Variants in SLC26A6 observed in about 807,000 individuals in gnomAD.
SLC26A6 encodes the protein solute carrier family 26 member 6.
SLC26A6 carries 67 observed loss-of-function variants against 87.1 expected under a neutral mutation model. The observed-to-expected ratio is 0.77, with a 90% CI of 0.63 to 0.94. SLC26A6 has a LOEUF of 0.94. SLC26A6 is among the 40% of genes least tolerant of loss of function. SLC26A6 has a pLI of 0.00. For synonymous variants in SLC26A6, 414 were observed against 405.9 expected (o/e 1.02, Z -0.24); for missense variants, 902 against 973.0 (o/e 0.93, Z 0.97).
intron 11 of SLC26A6, 48 bp downstream of exon 11, chr3:48,630,390 G>C: frequency 1.3e-6 from 2 of 1,536,590 alleles, no homozygotes; most frequent in Non-Finnish European, 1.8e-6. Flanking sequence ...GCTGATTTGA[G>C]AGCCCTGGCC....
rs551819463 is a variant in SLC26A6 at position 48,630,395 on chromosome 3, C to G, written c.1326+43G>C. 21 of 1,543,112 alleles carry G rather than the reference C, an allele frequency of 1.4e-5. No individual in the cohort carries two copies. The South Asian group carries it at 2.0e-4, about 15-fold the overall frequency. ...ACCTAGACTGGCTGATTTGAGAGCC[C>G]TGGCCTGGCCAAGACCTGAAACCTG... is the stretch of plus-strand genomic sequence containing the variant. On this transcript the variant is annotated intron_variant, in intron 11 of 20. Transcript: ENST00000395550.
chr3:48,629,851 G>A, intron 13 of SLC26A6, 21 bp downstream of exon 13: 2 of 1,613,952 alleles, frequency 1.2e-6, no homozygotes, highest in Non-Finnish European at 1.7e-6. Flanking sequence ...TGGAATGAGG[G>A]GACCAACATG....
At position 48,630,363 on chromosome 3, in the gene SLC26A6, C is replaced by T. The variant is rs533194840; in HGVS notation, c.1326+75G>A. ...AACCTAACCTTGTGTCCCCACCCCT[C>T]GCCTGAACCTAGACTGGCTGATTTG... On this transcript the variant is annotated intron_variant, in intron 11 of 20. Transcript: ENST00000395550. 2.2e-5 allele frequency: 33 copies of T among 1,476,258 alleles called. 1 individual carries two copies. In the South Asian group the frequency reaches 3.1e-4, roughly 14 times the overall value. The allele number at this position is 1,476,258 out of a possible 1,614,324, so 91.4% of individuals were successfully genotyped here.
In SLC26A6 at chr3:48,629,987, A is replaced by AGAGGGCAGCGGTTG. The variant is rs770151247; in HGVS notation, c.1423-23_1423-10dup. The AGAGGGCAGCGGTTG allele has an allele frequency of 3.3e-5, 54 of 1,613,982 alleles. No individual in the cohort carries two copies. In the Middle Eastern group the frequency reaches 4.9e-4, roughly 15 times the overall value. On this transcript the variant is annotated splice_polypyrimidine_tract_variant and intron_variant, in intron 12 of 20. Coordinates refer to ENST00000395550, the MANE Select transcript of SLC26A6 (RefSeq NM_022911.3). ...GTCACCAGCCAGATAAGCTGAGAAC[A>AGAGGGCAGCGGTTG]GAGGGCAGCGGTTGGAGGGCGGCGA...
At chr3:48,632,699 C>T in intron 4 of SLC26A6, 1 of 686,048 alleles carries the variant, frequency 1.5e-6, no homozygotes, top group Non-Finnish European at 2.6e-6. Context: ...CAGGGCTGGC[C>T]TTAGGCTGCT....
At position 48,628,609 on chromosome 3, in the gene SLC26A6, G is replaced by A; in HGVS notation, c.1692+13C>T. 6.2e-7 allele frequency: 1 copy of A among 1,613,942 alleles called. No individual in the cohort carries two copies. Among genetic ancestry groups the A allele is most frequent in the Non-Finnish European group, 8.5e-7 (1 of 1,179,988 alleles). The stretch of plus-strand genomic sequence containing the variant: ...GCTGGGGCCTGACACCCATCCTGGG[G>A]ACTCCGTCTCACCCTCTGCTTCAGC... On this transcript the variant is annotated intron_variant, in intron 15 of 20. Transcript: ENST00000395550. The surrounding 1 kb of genome is among the most constrained non-coding windows in gnomAD (Gnocchi z 4.4).
rs2046612615 is a variant in SLC26A6, at chr3:48,626,078, TC to T, written c.2266-79del. The T allele has an allele frequency of 4.3e-6, 7 of 1,612,728 alleles. No homozygotes were observed. The South Asian group carries it at 4.4e-5, about 10-fold the overall frequency. Reference sequence around the variant, plus strand: ...AACCCCCGCCCCTAGAACAGCTTTATCCAAAGACAGCGGAGAAAGCACTGGG... The same window carrying T: ...AACCCCCGCCCCTAGAACAGCTTTATCAAAGACAGCGGAGAAAGCACTGGG... On this transcript the variant is annotated intron_variant, in intron 20 of 20. Coordinates refer to ENST00000395550, the MANE Select transcript of SLC26A6 (RefSeq NM_022911.3).
rs1164986272 is a variant in SLC26A6, at chr3:48,628,872, A to AGCCCGAC, written c.1600-165_1600-159dup. On this transcript the variant is annotated intron_variant, in intron 14 of 20. Transcript: ENST00000395550. This position sits in a 1 kb window ranked among gnomAD's most constrained non-coding sequence, Gnocchi z 4.4. ...GGCCCTCCCAGGGGCTTAGGCCACA[A>AGCCCGAC]GCCCGACGGTGTCATCCCCATCCCC... Among the ~76,000 whole-genome samples the AGCCCGAC allele has an allele frequency of 6.6e-6, 1 of 152,106 alleles. No individual in the cohort carries two copies. The highest frequency in any genetic ancestry group is 1.5e-5 in the Non-Finnish European group (1 of 67,996).
rs762541427 is a variant in SLC26A6, at chr3:48,626,987, A to G, written c.1962T>C (p.Asp654=). ...GGCCCAGGGCCTTCAGTGTGGACCC[A>G]TCTGGGGCCTTGGAGTCTTCTTGAC... The part of the protein sequence containing the change: ...ANGQEDSKAP[D]GSTLKALGLP... The change falls in exon 18 of 21, where the codon GAT becomes GAC. Residue 654 remains aspartate, a synonymous_variant. Coordinates refer to ENST00000395550, the MANE Select transcript of SLC26A6 (RefSeq NM_022911.3). 5.1e-5 allele frequency: 82 copies of G among 1,614,198 alleles called. No individual in the cohort carries two copies. Among genetic ancestry groups the G allele is most frequent in the Non-Finnish European group, 6.6e-5 (78 of 1,180,026 alleles).
chr3:48,626,608 C>A, intron 19 of SLC26A6, 23 bp downstream of exon 19: 4 of 1,614,164 alleles, frequency 2.5e-6, no homozygotes, highest in Non-Finnish European at 3.4e-6. Flanking sequence ...CCAGGTCCCT[C>A]CTGCTGTTCC....
chr3:48,626,298 T>TC lies in SLC26A6; in HGVS notation c.2184dup (p.Lys729GlufsTer9). 1 of 1,613,928 alleles carries TC rather than the reference T, an allele frequency of 6.2e-7. No homozygotes were observed. The highest frequency in any genetic ancestry group is 8.5e-7 in the Non-Finnish European group (1 of 1,179,978). The stretch of plus-strand genomic sequence containing the variant: ...TCATGGACAGAGGCAAAGAGATGCT[T>TC]CTTGGTGATGGATGCATCGAAGAAG... On this transcript the variant is annotated frameshift_variant, in exon 20 of 21. Coordinates refer to ENST00000395550, the MANE Select transcript of SLC26A6 (RefSeq NM_022911.3). LOFTEE classifies it high-confidence loss of function.
Position 48,626,246 on chromosome 3 carries a change from G to A in SLC26A6, c.2237C>T (p.Pro746Leu), listed in dbSNP as rs764904817. 16 of 1,614,064 alleles carry A rather than the reference G, an allele frequency of 9.9e-6. No homozygotes were observed. The highest frequency in any genetic ancestry group is 3.3e-5 in the Admixed American group (2 of 60,004). The change falls in exon 20 of 21, where the codon CCG becomes CTG. Residue 746 changes from proline to leucine, a missense_variant. Transcript: ENST00000395550. ...AACAGGGCTGTCGGGGACAGGCCTC[G>A]GGTGTTGGAGGGCAAAGGTGACAGC... ...HDAVTFALQH[P>L]RPVPDSPVSV...
At chr3:48,633,662 A>G in intron 1 of SLC26A6, 27 bp from the exon 2 acceptor site, 2 of 1,610,644 alleles carry the variant, frequency 1.2e-6, no homozygotes, top group Non-Finnish European at 1.7e-6. Context: ...AGAGAGACAC[A>G]GTGAAGGCAT....
At chr3:48,632,447 C>T in intron 4 of SLC26A6, 51 bp from the exon 5 acceptor site, 4 of 1,575,898 alleles carry the variant, frequency 2.5e-6, no homozygotes, top group Non-Finnish European at 2.6e-6. Flanking sequence ...ACTGCCCTGC[C>T]CTGGAGCCCT....
chr3:48,632,504 C>T, intron 4 of SLC26A6, 108 bp from the exon 5 acceptor site: 2 of 1,440,554 alleles, frequency 1.4e-6, no homozygotes, highest in Non-Finnish European at 1.9e-6. Flanking sequence ...GATAAATGTA[C>T]TCAGATTATG....
intron 1 of SLC26A6, 33 bp downstream of exon 1, chr3:48,635,338 C>T (rs1365939462): frequency 6.3e-7 from 1 of 1,579,658 alleles, no homozygotes; most frequent in Non-Finnish European, 8.6e-7. Flanking sequence ...GAGGCGCTCG[C>T]GCGGGGCCAC....
Position 48,628,647 on chromosome 3 carries a change from A to G in SLC26A6, c.1667T>C (p.Phe556Ser), listed in dbSNP as rs370517101. Reference protein sequence around the residue: ...SATVYFANAEFYSDALKQRCG... With the variant: ...SATVYFANAESYSDALKQRCG... Reference sequence around the variant, plus strand: ...CCTCTGCTTCAGCGCATCACTGTAGAACTCAGCATTGGCAAAGTACACGGT... The same window carrying G: ...CCTCTGCTTCAGCGCATCACTGTAGGACTCAGCATTGGCAAAGTACACGGT... The change falls in exon 15 of 21, where the codon TTC (phenylalanine) becomes TCC (serine). Residue 556 changes from phenylalanine (F) to serine (S), a missense_variant. Phe to Ser is a radical substitution (Grantham distance 155, BLOSUM62 -2). Around this residue, in one of 3 missense-constraint regions of SLC26A6, gnomAD observed 800 missense variants for 856.8 expected, o/e 0.93. Coordinates refer to ENST00000395550, the MANE Select transcript of SLC26A6 (RefSeq NM_022911.3). The surrounding 1 kb of genome is among the most constrained non-coding windows in gnomAD (Gnocchi z 4.4). 42 of 1,613,648 alleles carry G rather than the reference A, an allele frequency of 2.6e-5. No homozygotes were observed. The African/African-American group carries it at 5.1e-4, about 19-fold the overall frequency.
intron 20 of SLC26A6, 56 bp downstream of exon 20, chr3:48,626,162 T>A: frequency 1.2e-6 from 2 of 1,611,990 alleles, no homozygotes; most frequent in Non-Finnish European, 1.7e-6. Context: ...GGGGCCAGGG[T>A]GGGGACAAGC....
At chr3:48,632,494 G>C in intron 4 of SLC26A6, 98 bp from the exon 5 acceptor site, 2 of 1,478,502 alleles carry the variant, frequency 1.4e-6, no homozygotes, top group East Asian at 4.9e-5. Flanking sequence ...TCCAGTTCTG[G>C]ATAAATGTAC....
Sources: gnomAD v4.1 joint callset for allele counts (sites outside exome capture counted in the v4.1 genomes callset) on GRCh38, gnomAD v4.1.1 for gene constraint, gnomAD v4.1.1 regional missense constraint, Gnocchi (gnomAD v3.1) non-coding constraint, MANE v1.5 for transcripts, NCBI Gene and HGNC (gene_info 2026-07-23, HGNC 2026-07-21) for gene names.